Variants in ATP7A observed in about 807,000 individuals in gnomAD.
ATP7A encodes copper-transporting ATPase 1.
In ATP7A, 7 loss-of-function variants were observed where a neutral mutation model predicts 83.5. That is an observed-to-expected ratio of 0.08 (90% confidence interval 0.05 to 0.16). The LOEUF (loss-of-function observed/expected upper bound fraction) is 0.16, where lower values mean the gene tolerates loss of function less well. Ranked by LOEUF, ATP7A falls within the 10% of genes least tolerant of loss-of-function variation. The pLI is 1.00. For synonymous variants in ATP7A, 354 were observed against 395.2 expected, an observed-to-expected ratio of 0.90 and a Z score of 1.24; for missense variants, 940 against 1,120.8, an observed-to-expected ratio of 0.84 and a Z score of 2.30.
intron 1 of ATP7A, among the ~76,000 whole-genome samples, chrX:77,961,468 C>T (rs1396177503): frequency 2.7e-5 from 3 of 111,879 alleles, no homozygotes; most frequent in African/African-American, 9.7e-5. Flanking sequence ...TCCCATAAAA[C>T]GATTTAGTCA....
intron 1 of ATP7A, chrX:77,969,404 G>A: frequency 8.3e-7 from 1 of 1,210,351 alleles, no homozygotes; most frequent in Non-Finnish European, 1.1e-6. Flanking sequence ...ACCACTGGCA[G>A]CCACATCTGA....
intron 12 of ATP7A, among the ~76,000 whole-genome samples, chrX:78,016,566 T>C (rs1276699031): frequency 6.3e-5 from 7 of 111,681 alleles, no homozygotes; most frequent in Non-Finnish European, 1.3e-4. Context: ...CCTATGAGGC[T>C]GTAAAATCAA....
rs185678470 is a variant in ATP7A at position 77,973,736 on chromosome X, G to A, written c.120+1975G>A. 1.4e-4 allele frequency among the ~76,000 whole-genome samples: 16 copies of A among 111,718 alleles called. No homozygotes were observed. The East Asian group carries it at 2.0e-3, about 14-fold the overall frequency. On this transcript the variant is annotated intron_variant, in intron 2 of 22. Coordinates refer to ENST00000341514, the MANE Select transcript of ATP7A (RefSeq NM_000052.7). ...TATAAATTTTAGAATCAGTTTATAA[G>A]TTTCTACAAAAATATCTGCTGGGAT... is the stretch of plus-strand genomic sequence containing the variant.
chrX:77,915,314 C>T (rs1458421069), intron 1 of ATP7A, among the ~76,000 whole-genome samples: 1 of 107,642 alleles, frequency 9.3e-6, no homozygotes, highest in Non-Finnish European at 1.9e-5. Context: ...CAGAGTGAGA[C>T]CCTGTCTTGT....
intron 1 of ATP7A, among the ~76,000 whole-genome samples, chrX:77,920,090 G>C (rs2077204698): frequency 9.0e-6 from 1 of 111,084 alleles, no homozygotes; most frequent in Non-Finnish European, 1.9e-5. Context: ...GCTGAGGTTG[G>C]GGTACAATTG....
intron 3 of ATP7A, 149 bp from the exon 4 acceptor site, chrX:77,989,084 A>G: frequency 1.4e-6 from 1 of 707,610 alleles, no homozygotes; most frequent in Admixed American, 3.9e-5. Context: ...TATGCCAATA[A>G]CATTTTCTGA....
intron 1 of ATP7A, among the ~76,000 whole-genome samples, chrX:77,958,295 C>T (rs137991073): frequency 2.3e-4 from 25 of 111,032 alleles, no homozygotes; most frequent in African/African-American, 7.2e-4. Context: ...AACCATGAGC[C>T]CAAATAAATT....
intron 16 of ATP7A, among the ~76,000 whole-genome samples, chrX:78,032,206 C>T (rs1251009180): frequency 9.0e-6 from 1 of 111,501 alleles, no homozygotes; most frequent in Non-Finnish European, 1.9e-5. Flanking sequence ...AAATGCAGAT[C>T]TGCCTCATTG....
Position 78,048,732 on chromosome X carries a change from T to G in ATP7A, c.*2162T>G, listed in dbSNP as rs2078095920. ...CCAATGCCTATGCCATCCTCCATGC[T>G]TTCAGTTTGAGTTTTATTATTTATT... On this transcript the variant is annotated 3_prime_UTR_variant, in exon 23 of 23. Coordinates refer to ENST00000341514, the MANE Select transcript of ATP7A (RefSeq NM_000052.7). 1 of 111,690 alleles carries G rather than the reference T, an allele frequency of 9.0e-6. No homozygotes were observed. Among genetic ancestry groups the G allele is most frequent in the Non-Finnish European group, 1.9e-5 (1 of 53,095 alleles). The allele number at this position is 111,690 out of a possible 1,213,427, so 9.2% of individuals were successfully genotyped here.
Position 77,991,857 on chromosome X carries a change from A to C in ATP7A, c.1336+1899A>C, listed in dbSNP as rs1353030471. Reference sequence around the variant, plus strand: ...GGTAACATGATGAAACCCCGTCCCTACAAAAAATACAAAACATCAGCTGGG... The same window carrying C: ...GGTAACATGATGAAACCCCGTCCCTCCAAAAAATACAAAACATCAGCTGGG... On this transcript the variant is annotated intron_variant, in intron 4 of 22. Transcript: ENST00000341514. Among the ~76,000 whole-genome samples the C allele has an allele frequency of 7.3e-5, 8 of 108,895 alleles. No homozygotes were observed. In the Admixed American group the frequency reaches 8.0e-4, roughly 11 times the overall value. 94.6% of individuals were successfully genotyped at this position (108,895 alleles called of 115,157 possible). A position where few individuals can be genotyped will look rare whatever the true frequency, so the allele number is the denominator to read the frequency against.
intron 9 of ATP7A, 94 bp downstream of exon 9, chrX:78,011,768 G>A: frequency 2.4e-6 from 2 of 834,628 alleles, no homozygotes; most frequent in Non-Finnish European, 3.6e-6. Flanking sequence ...ACTGATGTTA[G>A]CTAGAAGTCT....
Position 78,009,116 on chromosome X carries a change from G to A in ATP7A, c.1722G>A (p.Thr574=), listed in dbSNP as rs207478437. 143 of 1,207,531 alleles carry A rather than the reference G, an allele frequency of 1.2e-4. No homozygotes were observed. Among genetic ancestry groups the A allele is most frequent in the Non-Finnish European group, 1.5e-4 (133 of 894,090 alleles). The change falls in exon 7 of 23, where the codon ACG becomes ACA. Residue 574 remains threonine, a synonymous_variant. Coordinates refer to ENST00000341514, the MANE Select transcript of ATP7A (RefSeq NM_000052.7). ...GVLELVVRGM[T]CASCVHKIES... ...GTCTTTAACAGGTGAGGGGAATGAC[G>A]TGTGCCTCCTGCGTACATAAAATAG...
At chrX:77,946,905 G>A (rs1603374427) in intron 1 of ATP7A, among the ~76,000 whole-genome samples, 1 of 111,161 alleles carries the variant, frequency 9.0e-6, no homozygotes, top group Admixed American at 9.7e-5. Flanking sequence ...ACTTCTGGAC[G>A]TATACCCAAA....
chrX:77,960,483 A>G (rs1194146713), intron 1 of ATP7A, among the ~76,000 whole-genome samples: 1 of 112,736 alleles, frequency 8.9e-6, no homozygotes, highest in Non-Finnish European at 1.9e-5. Flanking sequence ...AGCCTTTCCC[A>G]AATTATAAGT....
intron 1 of ATP7A, among the ~76,000 whole-genome samples, chrX:77,957,240 A>G (rs2077450382): frequency 9.0e-6 from 1 of 111,086 alleles, no homozygotes; most frequent in African/African-American, 3.3e-5. Flanking sequence ...AAAATTTATT[A>G]TTATCATACT....
chrX:78,011,148 A>G (rs782487449), intron 7 of ATP7A, 28 bp from the exon 8 acceptor site: 3 of 1,160,456 alleles, frequency 2.6e-6, no homozygotes, highest in Non-Finnish European at 3.5e-6. Context: ...GTTCAGTGAA[A>G]TAATTTTTTT....
rs1267524677 is a variant in ATP7A, at chrX:78,049,444, C to T, written c.*2874C>T. On this transcript the variant is annotated 3_prime_UTR_variant, in exon 23 of 23. Coordinates refer to ENST00000341514, the MANE Select transcript of ATP7A (RefSeq NM_000052.7). ...CCTTAGTCTGAAGATAACAAGGATA[C>T]TTTAATATCCAGTGCCGGTTCAGAC... 1 of 112,561 alleles carries T rather than the reference C, an allele frequency of 8.9e-6. No individual in the cohort carries two copies. Among genetic ancestry groups the T allele is most frequent in the Non-Finnish European group, 1.9e-5 (1 of 53,215 alleles). 9.3% of individuals were successfully genotyped at this position (112,561 alleles called of 1,213,427 possible).
intron 4 of ATP7A, among the ~76,000 whole-genome samples, chrX:77,995,159 CA>C (rs2077694317): frequency 8.9e-6 from 1 of 111,841 alleles, no homozygotes; most frequent in Admixed American, 9.5e-5. Context: ...GTGTAAGTGT[CA>C]GTGCTGATCC....
At chrX:77,991,542 A>G (rs2077669235) in intron 4 of ATP7A, among the ~76,000 whole-genome samples, 1 of 111,445 alleles carries the variant, frequency 9.0e-6, no homozygotes, top group African/African-American at 3.3e-5. Flanking sequence ...TTTGAGTTCA[A>G]ATTTTTGTAT....
Sources: gnomAD v4.1 joint callset for allele counts (sites outside exome capture counted in the v4.1 genomes callset) on GRCh38, gnomAD v4.1.1 for gene constraint, MANE v1.5 for transcripts, NCBI Gene and HGNC (gene_info 2026-07-23, HGNC 2026-07-21) for gene names.